The following DCBLD2 variants were observed in gnomAD, a reference collection of about 807,000 sequenced individuals.
DCBLD2 encodes discoidin, CUB and LCCL domain-containing protein 2.
Under a neutral mutation model 86.8 loss-of-function variants are expected in DCBLD2, and 54 were observed. The observed-to-expected ratio is 0.62, with a 90% CI of 0.50 to 0.78. The LOEUF is 0.78. Among genes scored for constraint, DCBLD2 ranks in the 30% least tolerant of loss-of-function variants. The pLI, the probability that DCBLD2 is intolerant of heterozygous loss-of-function variation, is 0.00. For missense variants in DCBLD2, 908 were observed against 954.2 expected, an observed-to-expected ratio of 0.95 and a Z score of 0.64; for synonymous variants, 354 against 341.3, an observed-to-expected ratio of 1.04 and a Z score of -0.41.
At chr3:98,873,079 TG>T (rs2107514425) in intron 2 of DCBLD2, among the ~76,000 whole-genome samples, 2 of 152,268 alleles carry the variant, frequency 1.3e-5, no homozygotes, top group South Asian at 4.1e-4. Context: ...TGTGTGATAC[TG>T]GTGTCAAACA....
intron 2 of DCBLD2, among the ~76,000 whole-genome samples, chr3:98,859,161 C>T (rs990304771): frequency 6.6e-6 from 1 of 152,190 alleles, no homozygotes; most frequent in Non-Finnish European, 1.5e-5. Context: ...AACTGCAAGG[C>T]AGCAGGAGGC....
intron 6 of DCBLD2, among the ~76,000 whole-genome samples, chr3:98,821,671 A>G (rs1347483780): frequency 6.6e-6 from 1 of 152,050 alleles, no homozygotes; most frequent in Non-Finnish European, 1.5e-5. Flanking sequence ...AAAAGACAGA[A>G]GAAACACATT....
At chr3:98,852,704 A>G (rs1191548677) in intron 2 of DCBLD2, among the ~76,000 whole-genome samples, 3 of 152,244 alleles carry the variant, frequency 2.0e-5, no homozygotes, top group African/African-American at 7.2e-5. Flanking sequence ...AATTGGAAAT[A>G]AGAGAGACAC....
intron 1 of DCBLD2, among the ~76,000 whole-genome samples, chr3:98,898,887 A>G (rs1559804421): frequency 6.6e-6 from 1 of 152,184 alleles, no homozygotes. Context: ...CAACTTAGTA[A>G]GATCGAGATT....
At chr3:98,844,343 T>TTTATTATTATTATTA (rs10530611) in intron 3 of DCBLD2, among the ~76,000 whole-genome samples, 24,377 of 145,754 alleles carry the variant, frequency 0.17, 2,166 homozygotes, top group Non-Finnish European at 0.2. Context: ...GTCAGTAGCA[T>TTTATTATTATTATTA]TTATTATTAT....
At chr3:98,890,388 C>CT (rs1400956822) in intron 1 of DCBLD2, 1 of 152,028 alleles carries the variant, frequency 6.6e-6, no homozygotes, top group East Asian at 1.9e-4. Context: ...GATAAGGATC[C>CT]TACCTTAGAG....
At chr3:98,878,991 T>C (rs1019584314) in intron 2 of DCBLD2, among the ~76,000 whole-genome samples, 2 of 152,160 alleles carry the variant, frequency 1.3e-5, no homozygotes, top group Non-Finnish European at 2.9e-5. Flanking sequence ...GAGCTTTGAC[T>C]AGAATTCAGC....
intron 15 of DCBLD2, among the ~76,000 whole-genome samples, chr3:98,800,231 G>C (rs1375542235): frequency 6.6e-6 from 1 of 151,960 alleles, no homozygotes; most frequent in Non-Finnish European, 1.5e-5. Flanking sequence ...CAAATATTAG[G>C]AAATGTTTAA....
intron 3 of DCBLD2, among the ~76,000 whole-genome samples, chr3:98,830,698 TAAGATTGCC>T (rs1942305178): frequency 1.3e-5 from 2 of 152,212 alleles, no homozygotes; most frequent in South Asian, 4.1e-4. Flanking sequence ...TCTTTTTGTT[TAAGATTGCC>T]TTGGCTATTT....
intron 3 of DCBLD2, among the ~76,000 whole-genome samples, chr3:98,825,755 A>T (rs932417251): frequency 2.0e-5 from 3 of 149,606 alleles, no homozygotes; most frequent in African/African-American, 7.3e-5. Flanking sequence ...CACACACAGA[A>T]ATATTTCTTG....
chr3:98,797,737 C>T lies in DCBLD2; in HGVS notation c.*1635G>A, dbSNP rs999015608. The T allele has an allele frequency of 3.3e-5, 5 of 152,128 alleles. No homozygotes were observed. The highest frequency in any genetic ancestry group is 1.3e-4 in the Admixed American group (2 of 15,258). 9.4% of individuals were successfully genotyped at this position (152,128 alleles called of 1,614,324 possible). A position where few individuals can be genotyped will look rare whatever the true frequency, so the allele number is the denominator to read the frequency against. Reference sequence around the variant, plus strand: ...GAAATAAACAGTTCTCTTTCTGAAGCGATGTTTTAGAATACTGATATAATT... The same window carrying T: ...GAAATAAACAGTTCTCTTTCTGAAGTGATGTTTTAGAATACTGATATAATT... On this transcript the variant is annotated 3_prime_UTR_variant, in exon 16 of 16. Transcript: ENST00000326840.
intron 6 of DCBLD2, 79 bp downstream of exon 6, chr3:98,822,149 C>T (rs371461024): frequency 1.3e-6 from 2 of 1,516,452 alleles, no homozygotes; most frequent in African/African-American, 2.7e-5. Context: ...CTGCTGAGAT[C>T]TAGCTAGTTC....
At chr3:98,876,401 G>A (rs1214251914) in intron 2 of DCBLD2, among the ~76,000 whole-genome samples, 9 of 31,478 alleles carry the variant, frequency 2.9e-4, no homozygotes, top group African/African-American at 1.4e-3. Context: ...AAGACAGGAA[G>A]AGATAAAAAG....
intron 3 of DCBLD2, among the ~76,000 whole-genome samples, chr3:98,839,159 C>CTCTT (rs1553727034): frequency 2.5e-4 from 24 of 97,652 alleles, no homozygotes; most frequent in Admixed American, 8.8e-4. Context: ...TTCTTTCTTT[C>CTCTT]TTTCTTTCTT....
intron 1 of DCBLD2, among the ~76,000 whole-genome samples, chr3:98,885,878 AG>A (rs1217058138): frequency 6.6e-6 from 1 of 151,128 alleles, no homozygotes; most frequent in Non-Finnish European, 1.5e-5. Context: ...TCACAACTGG[AG>A]GGGGAGGGGT....
chr3:98,857,063 T>C (rs1268530518), intron 2 of DCBLD2, among the ~76,000 whole-genome samples: 2 of 152,188 alleles, frequency 1.3e-5, no homozygotes, highest in Non-Finnish European at 2.9e-5. Context: ...TTGTTCTTTC[T>C]GATGTTCGGA....
chr3:98,801,542 C>T (rs572809630), intron 14 of DCBLD2, 58 bp downstream of exon 14: 150 of 1,420,184 alleles, frequency 1.1e-4, no homozygotes, highest in African/African-American at 5.2e-4. Flanking sequence ...ACTACTGCCC[C>T]CTGTAGGGGA....
intron 1 of DCBLD2, among the ~76,000 whole-genome samples, chr3:98,882,007 A>G (rs1943480493): frequency 6.6e-6 from 1 of 152,160 alleles, no homozygotes; most frequent in South Asian, 2.1e-4. Context: ...CATCATCTCA[A>G]ACATTTATCA....
At chr3:98,859,953 C>A (rs1943010103) in intron 2 of DCBLD2, among the ~76,000 whole-genome samples, 1 of 152,198 alleles carries the variant, frequency 6.6e-6, no homozygotes, top group Non-Finnish European at 1.5e-5. Flanking sequence ...TTGAACACAA[C>A]ACAAAGAAGC....
Sources: allele counts gnomAD v4.1 joint callset (sites outside exome capture counted in the v4.1 genomes callset), GRCh38; gene constraint gnomAD v4.1.1; transcripts MANE v1.5; gene names NCBI Gene and HGNC (gene_info 2026-07-23, HGNC 2026-07-21).